The following ANK3 variants were observed in gnomAD, a reference collection of about 807,000 sequenced individuals.
ANK3 encodes ankyrin 3.
In ANK3, 57 loss-of-function variants were observed where a neutral mutation model predicts 370.9. The ratio of observed to expected loss-of-function variants is 0.15; its 90% CI spans 0.12 to 0.19. The LOEUF is 0.19. Ranked by LOEUF, ANK3 falls within the 10% of genes least tolerant of loss-of-function variation. The pLI is 1.00. For synonymous variants in ANK3, 1,929 were observed against 1,946.3 expected (o/e 0.99, Z 0.23); for missense variants, 4,439 against 5,302.1 (o/e 0.84, Z 5.06).
intron 37 of ANK3, 74 bp from the exon 38 acceptor site, chr10:60,068,083 C>G (rs755132011): frequency 7.2e-7 from 1 of 1,381,622 alleles, no homozygotes; most frequent in Non-Finnish European, 1.0e-6. Flanking sequence ...TTTAGCAGTA[C>G]GCAGATTTTA....
chr10:60,496,733 G>GAA (rs33910846), intron 2 of ANK3, among the ~76,000 whole-genome samples: 1,968 of 125,462 alleles, frequency 0.016, 29 homozygotes, highest in African/African-American at 0.032. Flanking sequence ...TTTTGAGACC[G>GAA]AAAAAAAAAA....
At chr10:60,473,662 C>T (rs894096060) in intron 2 of ANK3, among the ~76,000 whole-genome samples, 4 of 152,088 alleles carry the variant, frequency 2.6e-5, no homozygotes, top group Admixed American at 6.6e-5. Context: ...GACTTCTCAA[C>T]CTCAATAGGC....
chr10:60,688,293 T>C (rs1036015331), intron 1 of ANK3, among the ~76,000 whole-genome samples: 1 of 152,068 alleles, frequency 6.6e-6, no homozygotes, highest in Non-Finnish European at 1.5e-5. Flanking sequence ...CTTGAACTCC[T>C]GGCCTCAAGT....
chr10:60,497,773 T>G (rs2075697052), intron 2 of ANK3, among the ~76,000 whole-genome samples: 1 of 152,126 alleles, frequency 6.6e-6, no homozygotes, highest in Admixed American at 6.5e-5. Context: ...TCAGACAACT[T>G]TGATGCACAA....
At position 60,072,669 on chromosome 10, in the gene ANK3, T is replaced by C. The variant is rs771277566; in HGVS notation, c.8212A>G (p.Arg2738Gly). Residue 2738 changes from arginine (R) to glycine (G), a missense_variant, in exon 37 of 44, where the codon AGA (arginine) becomes GGA (glycine). Arg to Gly is a moderately radical substitution (Grantham distance 125). This residue lies in a region of ANK3 where 1,601 missense variants were observed against 1,731.7 expected (regional missense o/e 0.92). Transcript: ENST00000280772. ...AKSKDMSQED[R>G]KSDGQSRIPV... ...ATTCTGGACTGGCCATCTGACTTTC[T>C]GTCTTCTTGAGACATGTCCTTACTT... The C allele has an allele frequency of 1.2e-6, 2 of 1,614,004 alleles. No individual in the cohort carries two copies. The highest frequency in any genetic ancestry group is 1.7e-6 in the Non-Finnish European group (2 of 1,180,020).
At chr10:60,243,873 A>C (rs2097513409) in intron 7 of ANK3, among the ~76,000 whole-genome samples, 1 of 152,202 alleles carries the variant, frequency 6.6e-6, no homozygotes, top group Non-Finnish European at 1.5e-5. Flanking sequence ...GAGGAGCATG[A>C]GCTCAGAACA....
intron 1 of ANK3, among the ~76,000 whole-genome samples, chr10:60,712,810 A>G (rs939188863): frequency 3.9e-5 from 6 of 152,230 alleles, no homozygotes; most frequent in Admixed American, 6.5e-5. Context: ...TGATGTAGCT[A>G]TATTAATTTC....
At chr10:60,582,554 A>G (rs1454480281) in intron 2 of ANK3, among the ~76,000 whole-genome samples, 10 of 151,980 alleles carry the variant, frequency 6.6e-5, no homozygotes, top group East Asian at 1.9e-4. Flanking sequence ...CCAAGGCCCA[A>G]TGGGACTTCA....
chr10:60,689,445 T>C (rs970409271), intron 1 of ANK3, among the ~76,000 whole-genome samples: 11 of 151,992 alleles, frequency 7.2e-5, no homozygotes, highest in Middle Eastern at 3.2e-3. Flanking sequence ...TGAAATCACT[T>C]ACAGCAGTTA....
rs2076315980 is a variant in ANK3, at chr10:60,042,697, G to A, written c.13128C>T (p.His4376=). The A allele has an allele frequency of 1.9e-6, 3 of 1,613,772 alleles. No individual in the cohort carries two copies. The highest frequency in any genetic ancestry group is 1.3e-5 in the African/African-American group (1 of 74,736). The change falls in exon 43 of 44, where the codon CAC becomes CAT. Residue 4376 remains histidine, a synonymous_variant. Coordinates refer to ENST00000280772, the MANE Select transcript of ANK3 (RefSeq NM_020987.5). ...KEIRHVEKKS[H]S The stretch of plus-strand genomic sequence containing the variant: ...CTTGACTGACCGTTCGCTGTTACGA[G>A]TGGCTCTTCTTTTCCACATGCCGGA...
At chr10:60,082,849 G>T (rs1820496018) in intron 33 of ANK3, 112 bp from the exon 34 acceptor site, 6 of 1,259,298 alleles carry the variant, frequency 4.8e-6, no homozygotes, top group Non-Finnish European at 5.5e-6. Context: ...GGCAGGAAAG[G>T]TAAAGGGAAA....
intron 1 of ANK3, among the ~76,000 whole-genome samples, chr10:60,287,738 A>G (rs1481177117): frequency 2.0e-5 from 3 of 152,208 alleles, no homozygotes; most frequent in African/African-American, 7.2e-5. Context: ...AGTCTGCTTG[A>G]TAGCAAGCCC....
intron 25 of ANK3, among the ~76,000 whole-genome samples, chr10:60,120,538 A>G (rs540641343): frequency 1.3e-5 from 2 of 152,256 alleles, no homozygotes; most frequent in South Asian, 4.2e-4. Context: ...AACCCACAGA[A>G]TGGGAGAATG....
At chr10:60,624,141 A>G (rs1008732900) in intron 1 of ANK3, among the ~76,000 whole-genome samples, 2 of 152,130 alleles carry the variant, frequency 1.3e-5, no homozygotes, top group African/African-American at 4.8e-5. Flanking sequence ...TCTGTACACC[A>G]AACCTCCATG....
chr10:60,196,170 C>A lies in ANK3; in HGVS notation c.1862G>T (p.Gly621Val). The A allele has an allele frequency of 6.2e-7, 1 of 1,613,856 alleles. No individual in the cohort carries two copies. The highest frequency in any genetic ancestry group is 8.5e-7 in the Non-Finnish European group (1 of 1,179,860). Residue 621 changes from glycine (G) to valine (V), a missense_variant, in exon 16 of 44, where the codon GGA becomes GTA. Gly to Val is a moderately radical substitution (Grantham distance 109). This residue lies in a region of ANK3 where 192 missense variants were observed against 192.1 expected (regional missense o/e 1.00). Coordinates refer to ENST00000280772, the MANE Select transcript of ANK3 (RefSeq NM_020987.5). The stretch of plus-strand genomic sequence containing the variant: ...CTTTGCGGCTGCGTGAGGTGAGGCT[C>A]CTTGGTCCAAAAGCAGAAGGGCCAC... ...QKVALLLLDQ[G>V]ASPHAAAKNG... is the part of the protein sequence containing the mutation.
At chr10:60,523,601 A>G (rs559467255) in intron 2 of ANK3, among the ~76,000 whole-genome samples, 79 of 151,996 alleles carry the variant, frequency 5.2e-4, no homozygotes, top group African/African-American at 1.9e-3. Flanking sequence ...ATAGTATTCC[A>G]TGGTGTATAT....
chr10:60,311,474 C>CA (rs57897005), intron 1 of ANK3, among the ~76,000 whole-genome samples: 2,570 of 125,646 alleles, frequency 0.02, 56 homozygotes, highest in African/African-American at 0.059. Flanking sequence ...ATATGGAAGC[C>CA]AAAAAAAAAA....
chr10:60,658,857 G>A (rs10821819), intron 1 of ANK3, among the ~76,000 whole-genome samples: 101,413 of 150,264 alleles, frequency 0.67, 34,419 homozygotes, highest in South Asian at 0.83. Context: ...GGAAGCAGAG[G>A]AGAGGTGAAG....
chr10:60,291,081 T>C (rs918840693), intron 1 of ANK3, among the ~76,000 whole-genome samples: 2 of 151,938 alleles, frequency 1.3e-5, no homozygotes, highest in African/African-American at 4.8e-5. Flanking sequence ...CAAAAACAAA[T>C]ATAGAGAAGA....
Sources: allele counts gnomAD v4.1 joint callset (sites outside exome capture counted in the v4.1 genomes callset), GRCh38; gene constraint gnomAD v4.1.1; regional missense constraint gnomAD v4.1.1; transcripts MANE v1.5; gene names NCBI Gene and HGNC (gene_info 2026-07-23, HGNC 2026-07-21).